The following DMRT1 variants were observed in gnomAD, a reference collection of about 807,000 sequenced individuals.
DMRT1 encodes doublesex and mab-3 related transcription factor 1, also known as doublesex- and mab-3-related transcription factor 1.
DMRT1 carries 7 observed loss-of-function variants against 32.3 expected under a neutral mutation model. The observed-to-expected ratio is 0.22, with a 90% CI of 0.12 to 0.41. The LOEUF is 0.41. Among genes scored for constraint, DMRT1 ranks in the 10% least tolerant of loss-of-function variants. The pLI, the probability that DMRT1 is intolerant of heterozygous loss-of-function variation, is 1.00. For missense variants in DMRT1, 625 were observed against 500.5 expected (o/e 1.25, Z -2.37); for synonymous variants, 278 against 206.1 (o/e 1.35, Z -2.99).
chr9:900,270 C>T (rs909508925), intron 3 of DMRT1, among the ~76,000 whole-genome samples: 2 of 152,168 alleles, frequency 1.3e-5, no homozygotes, highest in African/African-American at 4.8e-5. Flanking sequence ...CTTCTGCCTG[C>T]TGAGGGTGGA....
At chr9:903,058 A>G (rs59614785) in intron 3 of DMRT1, among the ~76,000 whole-genome samples, 4,484 of 152,284 alleles carry the variant, frequency 0.029, 176 homozygotes, top group East Asian at 0.15. Context: ...TACTATTAGT[A>G]TAAACTTTGC....
intron 2 of DMRT1, among the ~76,000 whole-genome samples, chr9:859,139 C>A (rs10977163): frequency 0.3 from 45,620 of 151,886 alleles, 7,363 homozygotes; most frequent in African/African-American, 0.43. Flanking sequence ...ACATGAGTTA[C>A]GATGATTCCT....
At chr9:967,897 A>G (rs2130025185) in intron 4 of DMRT1, 88 bp from the exon 5 acceptor site, 2 of 1,255,338 alleles carry the variant, frequency 1.6e-6, no homozygotes, top group East Asian at 4.8e-5. Flanking sequence ...GTTGTAACCT[A>G]ATTGAATAAT....
chr9:863,531 G>T (rs1440947822), intron 2 of DMRT1, among the ~76,000 whole-genome samples: 1 of 152,162 alleles, frequency 6.6e-6, no homozygotes, highest in East Asian at 1.9e-4. Flanking sequence ...CTGACAGCCA[G>T]CAAGGAATGG....
chr9:948,218 C>T (rs968212188), intron 4 of DMRT1, among the ~76,000 whole-genome samples: 3 of 152,152 alleles, frequency 2.0e-5, no homozygotes, highest in Non-Finnish European at 4.4e-5. Context: ...AACCCAGCCC[C>T]GGCCTGCTCA....
At chr9:936,648 G>C (rs1192681017) in intron 4 of DMRT1, among the ~76,000 whole-genome samples, 1 of 151,774 alleles carries the variant, frequency 6.6e-6, no homozygotes, top group Non-Finnish European at 1.5e-5. Flanking sequence ...AGCTACTCGG[G>C]AGGCTGAGGC....
intron 4 of DMRT1, among the ~76,000 whole-genome samples, chr9:949,068 G>C (rs1391421910): frequency 6.6e-6 from 1 of 151,940 alleles, no homozygotes; most frequent in Non-Finnish European, 1.5e-5. Context: ...ACTCCAGCCT[G>C]AGCAACAGAG....
Position 966,200 on chromosome 9 carries a change from A to G in DMRT1, c.968-1785A>G, listed in dbSNP as rs140034024. Among the ~76,000 whole-genome samples the G allele has an allele frequency of 4.9e-3, 754 of 152,376 alleles. 2 individuals carry two copies. The highest frequency in any genetic ancestry group is 8.2e-3 in the Non-Finnish European group (561 of 68,036). Reference sequence around the variant, plus strand: ...GGATTTGCATGGAATTTAAATGCATATAACAATACAAATTTAGTAAGATAC... The same window carrying G: ...GGATTTGCATGGAATTTAAATGCATGTAACAATACAAATTTAGTAAGATAC... On this transcript the variant is annotated intron_variant, in intron 4 of 4. Transcript: ENST00000382276.
At position 846,980 on chromosome 9, in the gene DMRT1, G is replaced by C. The variant is rs754339132; in HGVS notation, c.375G>C (p.Gln125His). Residue 125 changes from glutamine (Q) to histidine (H), a missense_variant, in exon 2 of 5, where the codon CAG (glutamine) becomes CAC (histidine). Gln to His is a conservative substitution (Grantham distance 24, BLOSUM62 0). Around this residue, in one of 3 missense-constraint regions of DMRT1, gnomAD observed 416 missense variants for 321.6 expected, o/e 1.29. Transcript: ENST00000382276. The part of the protein sequence containing the change: ...MAAQVALRRQ[Q>H]AQEEELGISH... The stretch of plus-strand genomic sequence containing the variant: ...TCCAGGTGGCCCTGAGAAGGCAGCA[G>C]GCCCAGGAGGAGGAATTGGGTATCA... 3.1e-6 allele frequency: 5 copies of C among 1,614,158 alleles called. No homozygotes were observed. Among genetic ancestry groups the C allele is most frequent in the Admixed American group, 1.7e-5 (1 of 60,016 alleles).
intron 4 of DMRT1, among the ~76,000 whole-genome samples, chr9:938,551 AT>A (rs1358847511): frequency 6.6e-6 from 1 of 152,148 alleles, no homozygotes; most frequent in Non-Finnish European, 1.5e-5. Context: ...ATTTCTTAAT[AT>A]TTTGTTGCTA....
intron 2 of DMRT1, among the ~76,000 whole-genome samples, chr9:885,092 T>C (rs747159682): frequency 1.2e-3 from 186 of 152,326 alleles, no homozygotes; most frequent in African/African-American, 4.4e-3. Flanking sequence ...GGCTTGCTTC[T>C]TCAGTGCCCC....
At chr9:953,585 G>T (rs1819500528) in intron 4 of DMRT1, among the ~76,000 whole-genome samples, 1 of 152,166 alleles carries the variant, frequency 6.6e-6, no homozygotes, top group African/African-American at 2.4e-5. Flanking sequence ...TTGAGGTTTT[G>T]GATTCGTTGC....
intron 4 of DMRT1, among the ~76,000 whole-genome samples, chr9:935,730 C>T (rs1818864949): frequency 6.6e-6 from 1 of 152,190 alleles, no homozygotes; most frequent in African/African-American, 2.4e-5. Context: ...AAATTACACC[C>T]CCTCCAGACC....
intron 2 of DMRT1, among the ~76,000 whole-genome samples, chr9:859,762 G>A (rs7029225): frequency 0.91 from 138,733 of 152,224 alleles, 63,309 homozygotes; most frequent in Middle Eastern, 0.98. Flanking sequence ...AAAAAAATGT[G>A]TAAGAAACTC....
intron 2 of DMRT1, among the ~76,000 whole-genome samples, chr9:858,459 C>T (rs1377906317): frequency 6.6e-6 from 1 of 152,164 alleles, no homozygotes; most frequent in African/African-American, 2.4e-5. Flanking sequence ...TCCTGTTGAT[C>T]ACCCCTCAGG....
In DMRT1 at chr9:921,697, G is replaced by T. The variant is rs924028606; in HGVS notation, c.967+4790G>T. 3.9e-5 allele frequency among the ~76,000 whole-genome samples: 6 copies of T among 152,068 alleles called. No homozygotes were observed. In the South Asian group the frequency reaches 1.0e-3, roughly 26 times the overall value. ...GTTTCCAGCCTGAGCAACATAGTGA[G>T]ACCCCATCTCTACAAAAAAATAAAA... On this transcript the variant is annotated intron_variant, in intron 4 of 4. Transcript: ENST00000382276.
At chr9:900,580 A>G (rs553984193) in intron 3 of DMRT1, among the ~76,000 whole-genome samples, 2 of 152,134 alleles carry the variant, frequency 1.3e-5, no homozygotes, top group African/African-American at 4.8e-5. Context: ...CCTGGCTCTC[A>G]GGAGACAGTT....
chr9:890,893 T>C (rs1817121378), intron 2 of DMRT1, among the ~76,000 whole-genome samples: 1 of 151,326 alleles, frequency 6.6e-6, no homozygotes, highest in Admixed American at 6.6e-5. Flanking sequence ...GCTAATTTTT[T>C]TTTGTATTTT....
chr9:841,851 G>C lies in DMRT1; in HGVS notation c.13G>C (p.Glu5Gln). 1.9e-6 allele frequency: 3 copies of C among 1,612,370 alleles called. No individual in the cohort carries two copies. The highest frequency in any genetic ancestry group is 2.5e-6 in the Non-Finnish European group (3 of 1,179,484). ...TCCTAGGGGCACCATGCCCAACGAC[G>C]AGGCATTCAGCAAGCCCTCTACACC... is the stretch of plus-strand genomic sequence containing the variant. MPND[E>Q]AFSKPSTPSE... The change falls in exon 1 of 5, where the codon GAG becomes CAG. Residue 5 changes from glutamate (E) to glutamine (Q), a missense_variant. By Grantham distance (29) the Glu-to-Gln change is conservative. Coordinates refer to ENST00000382276, the MANE Select transcript of DMRT1 (RefSeq NM_021951.3).
Sources: allele counts gnomAD v4.1 joint callset (sites outside exome capture counted in the v4.1 genomes callset), GRCh38; gene constraint gnomAD v4.1.1; regional missense constraint gnomAD v4.1.1; transcripts MANE v1.5; gene names NCBI Gene and HGNC (gene_info 2026-07-23, HGNC 2026-07-21).